PAQR8: variants seen among roughly 807,000 people sequenced by gnomAD.
The protein encoded by PAQR8 is progestin and adipoQ receptor family member 8, also known as membrane progestin receptor beta.
PAQR8 carries 17 observed loss-of-function variants against 25.2 expected under a neutral mutation model. The observed-to-expected ratio is 0.67, with a 90% CI of 0.46 to 1.01. The LOEUF (loss-of-function observed/expected upper bound fraction) is 1.01. PAQR8 is among the 50% of genes least tolerant of loss of function. The pLI, the probability that PAQR8 is intolerant of heterozygous loss-of-function variation, is 0.00. For synonymous variants in PAQR8, 204 were observed against 190.6 expected (o/e 1.07, Z -0.58); for missense variants, 392 against 448.4 (o/e 0.87, Z 1.14).
At chr6:52,379,034 T>C (rs1351078901) in intron 1 of PAQR8, among the ~76,000 whole-genome samples, 2 of 147,318 alleles carry the variant, frequency 1.4e-5, no homozygotes, top group African/African-American at 5.1e-5. Flanking sequence ...GAGGCAGAGA[T>C]TGCAGTGAGC....
intron 1 of PAQR8, among the ~76,000 whole-genome samples, chr6:52,381,286 A>G (rs1763556701): frequency 6.6e-6 from 1 of 152,208 alleles, no homozygotes; most frequent in Non-Finnish European, 1.5e-5. Flanking sequence ...TTTCTACACT[A>G]ATGGCAACAA....
At chr6:52,390,522 G>C (rs1184280912) in intron 1 of PAQR8, among the ~76,000 whole-genome samples, 1 of 152,186 alleles carries the variant, frequency 6.6e-6, no homozygotes, top group Non-Finnish European at 1.5e-5. Context: ...TGGCAAAAAG[G>C]TGTACCTTAC....
At chr6:52,382,912 G>C (rs1379510525) in intron 1 of PAQR8, among the ~76,000 whole-genome samples, 1 of 152,150 alleles carries the variant, frequency 6.6e-6, no homozygotes. Context: ...CTCCCCCTTA[G>C]CTGGGGCCAC....
At chr6:52,377,143 A>G (rs1763494296) in intron 1 of PAQR8, among the ~76,000 whole-genome samples, 1 of 152,228 alleles carries the variant, frequency 6.6e-6, no homozygotes, top group Admixed American at 6.5e-5. Flanking sequence ...TGGTAAACTT[A>G]TATAATATTG....
chr6:52,367,748 G>T (rs1763370254), intron 1 of PAQR8, among the ~76,000 whole-genome samples: 1 of 152,144 alleles, frequency 6.6e-6, no homozygotes, highest in South Asian at 2.1e-4. Flanking sequence ...GATGAGGATG[G>T]AGGAGCTTTC....
chr6:52,388,280 G>A (rs1433585710), intron 1 of PAQR8, among the ~76,000 whole-genome samples: 1 of 152,002 alleles, frequency 6.6e-6, no homozygotes, highest in African/African-American at 2.4e-5. Flanking sequence ...GGTGGCTGAG[G>A]CACAAGAATG....
rs145993682 is a variant in PAQR8 at position 52,375,784 on chromosome 6, A to G, written c.-53+13535A>G. ...AGTGATCCTACTGCCTTGGCCTTCC[A>G]AAGCACTAGGATTACAGGTATGAGC... On this transcript the variant is annotated intron_variant, in intron 1 of 1. Transcript: ENST00000442253. 9.6e-3 allele frequency among the ~76,000 whole-genome samples: 1,464 copies of G among 152,310 alleles called. 19 individuals are homozygous for G. Among genetic ancestry groups the G allele is most frequent in the African/African-American group, 0.033 (1,355 of 41,556 alleles).
intron 1 of PAQR8, among the ~76,000 whole-genome samples, chr6:52,388,911 C>T (rs897477610): frequency 1.1e-4 from 16 of 152,088 alleles, no homozygotes; most frequent in South Asian, 4.1e-4. Context: ...ATAACATTGG[C>T]GATGTCAAGT....
chr6:52,399,357 C>T (rs975500455), intron 1 of PAQR8, among the ~76,000 whole-genome samples: 8 of 152,172 alleles, frequency 5.3e-5, no homozygotes, highest in African/African-American at 4.8e-5. Flanking sequence ...TCCTTTCTCC[C>T]TCAGAACAGA....
chr6:52,396,739 A>G (rs1014507495), intron 1 of PAQR8, among the ~76,000 whole-genome samples: 3 of 152,206 alleles, frequency 2.0e-5, no homozygotes, highest in African/African-American at 7.2e-5. Flanking sequence ...AATGGCTTCC[A>G]GAAATGTTGA....
At chr6:52,391,585 T>C (rs960169226) in intron 1 of PAQR8, among the ~76,000 whole-genome samples, 3 of 152,204 alleles carry the variant, frequency 2.0e-5, no homozygotes, top group African/African-American at 7.2e-5. Flanking sequence ...GCTATAAAGA[T>C]CAGTATGAGC....
intron 1 of PAQR8, among the ~76,000 whole-genome samples, chr6:52,402,569 A>G (rs548831849): frequency 1.0e-3 from 150 of 147,376 alleles, no homozygotes; most frequent in Non-Finnish European, 2.0e-3. Context: ...GTGAGCCGAG[A>G]TGGTACCATT....
intron 1 of PAQR8, among the ~76,000 whole-genome samples, chr6:52,393,345 T>TTTC (rs1763731972): frequency 6.8e-6 from 1 of 147,176 alleles, no homozygotes; most frequent in African/African-American, 2.5e-5. Flanking sequence ...TTTTTTTTTT[T>TTTC]TTTTTTTTGA....
chr6:52,403,986 G>T lies in PAQR8; in HGVS notation c.773G>T (p.Ser258Ile), dbSNP rs1763876330. The T allele has an allele frequency of 6.2e-7, 1 of 1,614,190 alleles. No homozygotes were observed. Among genetic ancestry groups the T allele is most frequent in the Admixed American group, 1.7e-5 (1 of 60,036 alleles). ...HTLQILFFLVSAYFFSCPVPE... is the reference protein window; with the variant it reads ...HTLQILFFLVIAYFFSCPVPE... ...CTCCAGATCCTCTTCTTCCTGGTTA[G>T]CGCTTATTTCTTCTCCTGCCCCGTG... Residue 258 changes from serine (S) to isoleucine (I), a missense_variant, in exon 2 of 2, where the codon AGC becomes ATC. Transcript: ENST00000442253.
chr6:52,376,015 G>A (rs1340667816), intron 1 of PAQR8, among the ~76,000 whole-genome samples: 1 of 152,200 alleles, frequency 6.6e-6, no homozygotes, highest in Non-Finnish European at 1.5e-5. Context: ...TTCCTACTCT[G>A]GTATAGCAGT....
chr6:52,371,283 T>C (rs1017538356), intron 1 of PAQR8, among the ~76,000 whole-genome samples: 3 of 152,162 alleles, frequency 2.0e-5, no homozygotes, highest in African/African-American at 7.2e-5. Context: ...CCAGCTTTAT[T>C]ATATGCTCAT....
In PAQR8 at chr6:52,362,845, T is replaced by A. The variant is rs1324836979; in HGVS notation, c.-53+596T>A. Among the ~76,000 whole-genome samples the A allele has an allele frequency of 6.6e-6, 1 of 152,004 alleles. No individual in the cohort carries two copies. The highest frequency in any genetic ancestry group is 1.5e-5 in the Non-Finnish European group (1 of 67,982). On this transcript the variant is annotated intron_variant, in intron 1 of 1. Coordinates refer to ENST00000442253, the MANE Select transcript of PAQR8 (RefSeq NM_133367.5). The surrounding 1 kb of genome is among the most constrained non-coding windows in gnomAD (Gnocchi z 4.1). ...GGAAAGAGTAGGGTGGGTCTAGGCA[T>A]GTGCTTTCGCCGGGGAAAGATGGAG...
At position 52,405,559 on chromosome 6, in the gene PAQR8, C is replaced by A. The variant is rs4489154; in HGVS notation, c.*1281C>A. The A allele has an allele frequency of 6.0e-6, 1 of 167,088 alleles. No individual in the cohort carries two copies. The highest frequency in any genetic ancestry group is 1.5e-5 in the Non-Finnish European group (1 of 68,146). 10.4% of individuals were successfully genotyped at this position (167,088 alleles called of 1,614,324 possible). A position where few individuals can be genotyped will look rare whatever the true frequency, so the allele number is the denominator to read the frequency against. Reference sequence around the variant, plus strand: ...GGATTGATGTGTTGTGGCCATGCAGCCCTCCCTGAGGATTGACTTCTGCAC... The same window carrying A: ...GGATTGATGTGTTGTGGCCATGCAGACCTCCCTGAGGATTGACTTCTGCAC... On this transcript the variant is annotated 3_prime_UTR_variant, in exon 2 of 2. Transcript: ENST00000442253.
At chr6:52,383,610 G>A (rs1051008450) in intron 1 of PAQR8, among the ~76,000 whole-genome samples, 11 of 142,196 alleles carry the variant, frequency 7.7e-5, no homozygotes, top group East Asian at 2.1e-4. Context: ...GCAGTGAGCC[G>A]AGATCCCGCC....
Sources: allele counts gnomAD v4.1 joint callset (sites outside exome capture counted in the v4.1 genomes callset), GRCh38; gene constraint gnomAD v4.1.1; non-coding constraint Gnocchi (gnomAD v3.1); transcripts MANE v1.5; gene names NCBI Gene and HGNC (gene_info 2026-07-23, HGNC 2026-07-21).